ZNF837: variants seen among roughly 807,000 people sequenced by gnomAD.
The protein encoded by ZNF837 is zinc finger protein 837.
For missense variants in ZNF837, 955 were observed against 801.7 expected, an observed-to-expected ratio of 1.19 and a Z score of -2.31; for synonymous variants, 475 against 365.2, an observed-to-expected ratio of 1.30 and a Z score of -3.43.
chr19:58,368,453 T>A lies in ZNF837; in HGVS notation c.880A>T (p.Thr294Ser). ...SSLLQHQRIH[T>S]GERPYECAEC... ...GCGCACTCGTAGGGCCGCTCGCCCG[T>A]GTGGATGCGCTGGTGCTGCAGCAGG... is the stretch of plus-strand genomic sequence containing the variant. Residue 294 changes from threonine to serine, a missense_variant, in exon 3 of 3, where the codon ACG becomes TCG. By Grantham distance (58) the Thr-to-Ser change is moderately conservative. Coordinates refer to ENST00000597582, the MANE Select transcript of ZNF837 (RefSeq NM_138466.2). The A allele has an allele frequency of 1.9e-6, 3 of 1,568,394 alleles. No individual in the cohort carries two copies. Among genetic ancestry groups the A allele is most frequent in the Non-Finnish European group, 2.6e-6 (3 of 1,159,062 alleles).
chr19:58,374,981 G>A (rs904628226), intron 1 of ZNF837, among the ~76,000 whole-genome samples: 5 of 148,906 alleles, frequency 3.4e-5, no homozygotes, highest in African/African-American at 7.5e-5. Flanking sequence ...AAACATGGCC[G>A]GGCACAGTGG....
At chr19:58,378,109 G>C (rs574265236) in intron 1 of ZNF837, among the ~76,000 whole-genome samples, 1 of 152,330 alleles carries the variant, frequency 6.6e-6, no homozygotes, top group East Asian at 1.9e-4. Flanking sequence ...CTGCTAAAGG[G>C]GTTGGTCCAG....
rs1011806700 is a variant in ZNF837, at chr19:58,369,212, C to G, written c.121G>C (p.Gly41Arg). The G allele has an allele frequency of 6.9e-6, 10 of 1,441,366 alleles. No individual in the cohort carries two copies. Among genetic ancestry groups the G allele is most frequent in the Non-Finnish European group, 9.1e-6 (10 of 1,099,642 alleles). The allele number at this position is 1,441,366 out of a possible 1,614,324, so 89.3% of individuals were successfully genotyped here. A position where few individuals can be genotyped will look rare whatever the true frequency, so the allele number is the denominator to read the frequency against. The change falls in exon 3 of 3, where the codon GGG (glycine) becomes CGG (arginine). Residue 41 changes from glycine (G) to arginine (R), a missense_variant. By Grantham distance (125) the Gly-to-Arg change is moderately radical. Coordinates refer to ENST00000597582, the MANE Select transcript of ZNF837 (RefSeq NM_138466.2). ...EPRPLEEDRA[G>R]SRPTQKGDLR... ...TCCCCCTTTTGAGTGGGGCGGCTCC[C>G]AGCTCGGTCCTCTTCGAGGGGCCTC... is the stretch of plus-strand genomic sequence containing the variant.
At position 58,368,361 on chromosome 19, in the gene ZNF837, C is replaced by T; in HGVS notation, c.972G>A (p.Glu324=). The change falls in exon 3 of 3, where the codon GAG becomes GAA. Residue 324 remains glutamate (E), a synonymous_variant. Transcript: ENST00000597582. ...LYRHQKTHSA[E]RHRRGPVLAR... is the part of the protein sequence containing the mutation. ...CCAGGACGGGGCCACGCCGGTGGCG[C>T]TCGGCCGAGTGCGTCTTCTGGTGGC... is the stretch of plus-strand genomic sequence containing the variant. The T allele has an allele frequency of 6.5e-7, 1 of 1,530,426 alleles. No homozygotes were observed. 94.8% of individuals were successfully genotyped at this position (1,530,426 alleles called of 1,614,324 possible). A position where few individuals can be genotyped will look rare whatever the true frequency, so the allele number is the denominator to read the frequency against.
chr19:58,369,394 G>A (rs62116383), intron 2 of ZNF837, 33 bp from the exon 3 acceptor site: 113,883 of 1,314,254 alleles, frequency 0.087, 6,426 homozygotes, highest in East Asian at 0.34. Flanking sequence ...GAGGTTGGCG[G>A]TTCCCAGGAG....
rs61746129 is a variant in ZNF837 at position 58,368,334 on chromosome 19, C to G, written c.999G>C (p.Ala333=). 136,376 of 1,513,918 alleles carry G rather than the reference C, an allele frequency of 0.09. 8,260 individuals carry two copies. The highest frequency in any genetic ancestry group is 0.34 in the East Asian group (13,654 of 39,700). 93.8% of individuals were successfully genotyped at this position (1,513,918 alleles called of 1,614,324 possible). A position where few individuals can be genotyped will look rare whatever the true frequency, so the allele number is the denominator to read the frequency against. The part of the protein sequence containing the change: ...AERHRRGPVL[A]RRAFRLGCPP... ...GGCACCCCAGCCGGAAGGCGCGCCG[C>G]GCCAGGACGGGGCCACGCCGGTGGC... Residue 333 remains alanine, a synonymous_variant, in exon 3 of 3, where the codon GCG becomes GCC. Transcript: ENST00000597582.
chr19:58,379,610 ATGCTTGCACCTGGG>A (rs2052274263), intron 1 of ZNF837, among the ~76,000 whole-genome samples: 1 of 152,196 alleles, frequency 6.6e-6, no homozygotes, highest in Non-Finnish European at 1.5e-5. Context: ...CCAGGTGAGC[ATGCTTGCACCTGGG>A]TGCTCGCCCA....
rs1308652539 is a variant in ZNF837, at chr19:58,368,636, G to A, written c.697C>T (p.Arg233Cys). The A allele has an allele frequency of 3.3e-6, 5 of 1,531,068 alleles. No individual in the cohort carries two copies. Among genetic ancestry groups the A allele is most frequent in the East Asian group, 2.5e-5 (1 of 40,772 alleles). The allele number at this position is 1,531,068 out of a possible 1,614,324, so 94.8% of individuals were successfully genotyped here. A position where few individuals can be genotyped will look rare whatever the true frequency, so the allele number is the denominator to read the frequency against. Residue 233 changes from arginine to cysteine, a missense_variant, in exon 3 of 3, where the codon CGC becomes TGC. Coordinates refer to ENST00000597582, the MANE Select transcript of ZNF837 (RefSeq NM_138466.2). ...EPRPCARCGK[R>C]FRPNQQQQAG... Reference sequence around the variant, plus strand: ...TGCTGCTGCTGGTTGGGGCGGAAGCGCTTCCCGCACCGGGCACACGGACGG... The same window carrying A: ...TGCTGCTGCTGGTTGGGGCGGAAGCACTTCCCGCACCGGGCACACGGACGG...
At position 58,368,176 on chromosome 19, in the gene ZNF837, G is replaced by C. The variant is rs759909774; in HGVS notation, c.1157C>G (p.Thr386Ser). 8 of 1,584,354 alleles carry C rather than the reference G, an allele frequency of 5.0e-6. No homozygotes were observed. The highest frequency in any genetic ancestry group is 2.3e-5 in the East Asian group (1 of 43,500). Residue 386 changes from threonine to serine, a missense_variant, in exon 3 of 3, where the codon ACC (threonine) becomes AGC (serine). Thr to Ser is a moderately conservative substitution (Grantham distance 58). Transcript: ENST00000597582. Reference protein sequence around the residue: ...SHLVEHRRVHTGEKPYACPEC... With the variant: ...SHLVEHRRVHSGEKPYACPEC... ...GGGGCACGCGTAGGGCTTCTCGCCG[G>C]TGTGCACGCGCCGGTGCTCCACGAG...
Position 58,374,763 on chromosome 19 carries a change from A to G in ZNF837, c.-139-4835T>C, listed in dbSNP as rs185918272. Among the ~76,000 whole-genome samples, 447 of 151,920 alleles carry G rather than the reference A, an allele frequency of 2.9e-3. 2 individuals carry two copies. The highest frequency in any genetic ancestry group is 0.01 in the African/African-American group (420 of 41,430). On this transcript the variant is annotated intron_variant, in intron 1 of 2. Coordinates refer to ENST00000597582, the MANE Select transcript of ZNF837 (RefSeq NM_138466.2). ...AGCCTGGCCAAAATGTCGAAACCCC[A>G]TCTCTGCTAAAAATACAAAAATTAG...
chr19:58,375,759 T>TG (rs1248491257), intron 1 of ZNF837, among the ~76,000 whole-genome samples: 4 of 150,736 alleles, frequency 2.7e-5, no homozygotes, highest in Non-Finnish European at 5.9e-5. Context: ...TTATATCTTT[T>TG]TTTTTTTTTT....
chr19:58,367,808 C>G lies in ZNF837; in HGVS notation c.1525G>C (p.Gly509Arg). Residue 509 changes from glycine to arginine, a missense_variant, in exon 3 of 3, where the codon GGC (glycine) becomes CGC (arginine). Gly to Arg is a moderately radical substitution (Grantham distance 125, BLOSUM62 -2). Coordinates refer to ENST00000597582, the MANE Select transcript of ZNF837 (RefSeq NM_138466.2). ...TTGGAGCGTTGGCTGAAGGCGCGGC[C>G]GCAATCTCCGCACGCGTAGGGCCGC... ...GERPYACGDC[G>R]RAFSQRSNLN... 2.0e-6 allele frequency: 3 copies of G among 1,536,378 alleles called. No individual in the cohort carries two copies. Among genetic ancestry groups the G allele is most frequent in the African/African-American group, 1.4e-5 (1 of 73,014 alleles).
intron 1 of ZNF837, among the ~76,000 whole-genome samples, chr19:58,373,854 T>C (rs1267744509): frequency 6.6e-6 from 1 of 151,852 alleles, no homozygotes; most frequent in African/African-American, 2.4e-5. Flanking sequence ...GAATGTGGAG[T>C]ACGGACTCAC....
chr19:58,380,058 T>A (rs1442675412), intron 1 of ZNF837, among the ~76,000 whole-genome samples: 1 of 152,154 alleles, frequency 6.6e-6, no homozygotes, highest in Non-Finnish European at 1.5e-5. Flanking sequence ...CGTTGGTGGC[T>A]CTGAGGTGTG....
At chr19:58,371,092 T>C (rs1464535485) in intron 1 of ZNF837, among the ~76,000 whole-genome samples, 1 of 151,590 alleles carries the variant, frequency 6.6e-6, no homozygotes, top group Non-Finnish European at 1.5e-5. Flanking sequence ...ATACAAAAAA[T>C]TAGCTGGGCG....
rs554824341 is a variant in ZNF837 at position 58,371,767 on chromosome 19, G to A, written c.-139-1839C>T. Among the ~76,000 whole-genome samples the A allele has an allele frequency of 9.2e-5, 14 of 152,282 alleles. No homozygotes were observed. In the East Asian group the frequency reaches 2.7e-3, roughly 29 times the overall value. ...GACAGAGGCTCTCTCTGTCACCCAGGCTGCAGTGCAGTGGCGCCATCTCAG... is the reference window on the plus strand; with the variant it reads ...GACAGAGGCTCTCTCTGTCACCCAGACTGCAGTGCAGTGGCGCCATCTCAG... On this transcript the variant is annotated intron_variant, in intron 1 of 2. Transcript: ENST00000597582.
At position 58,368,418 on chromosome 19, in the gene ZNF837, G is replaced by A. The variant is rs931545157; in HGVS notation, c.915C>T (p.Gly305=). Residue 305 remains glycine (G), a synonymous_variant, in exon 3 of 3, where the codon GGC becomes GGT. Coordinates refer to ENST00000597582, the MANE Select transcript of ZNF837 (RefSeq NM_138466.2). ...GERPYECAEC[G]KAFVRCSGLY... Reference sequence around the variant, plus strand: ...GGCCGGAGCAGCGCACGAAGGCCTTGCCGCACTCGGCGCACTCGTAGGGCC... The same window carrying A: ...GGCCGGAGCAGCGCACGAAGGCCTTACCGCACTCGGCGCACTCGTAGGGCC... 8.4e-6 allele frequency: 13 copies of A among 1,549,036 alleles called. No homozygotes were observed. The highest frequency in any genetic ancestry group is 1.1e-5 in the Non-Finnish European group (13 of 1,149,710).
rs1230866798 is a variant in ZNF837 at position 58,367,812 on chromosome 19, A to C, written c.1521T>G (p.Asp507Glu). The C allele has an allele frequency of 6.5e-7, 1 of 1,536,476 alleles. No homozygotes were observed. The highest frequency in any genetic ancestry group is 1.7e-4 in the Middle Eastern group (1 of 5,910). The change falls in exon 3 of 3, where the codon GAT (aspartate) becomes GAG (glutamate). Residue 507 changes from aspartate to glutamate, a missense_variant. Physicochemically the swap from Asp to Glu is conservative, Grantham distance 45. Transcript: ENST00000597582. Reference protein sequence around the residue: ...HTGERPYACGDCGRAFSQRSN... With the variant: ...HTGERPYACGECGRAFSQRSN... ...AGCGTTGGCTGAAGGCGCGGCCGCA[A>C]TCTCCGCACGCGTAGGGCCGCTCGC...
In ZNF837 at chr19:58,369,358, G is replaced by C. The variant is rs968556410; in HGVS notation, c.-26C>G. Reference sequence around the variant, plus strand: ...CCTGGGGCGCAGAGTTCTGGTTGTAGGATCTGGAAGAGCAGAGAAGAAATG... The same window carrying C: ...CCTGGGGCGCAGAGTTCTGGTTGTACGATCTGGAAGAGCAGAGAAGAAATG... On this transcript the variant is annotated 5_prime_UTR_variant, in exon 3 of 3. Transcript: ENST00000597582. 1.5e-6 allele frequency: 2 copies of C among 1,334,582 alleles called. No individual in the cohort carries two copies. The highest frequency in any genetic ancestry group is 3.1e-5 in the African/African-American group (2 of 64,932). 82.7% of individuals were successfully genotyped at this position (1,334,582 alleles called of 1,614,324 possible).
Sources: gnomAD v4.1 joint callset for allele counts (sites outside exome capture counted in the v4.1 genomes callset) on GRCh38, gnomAD v4.1.1 for gene constraint, MANE v1.5 for transcripts, NCBI Gene and HGNC (gene_info 2026-07-23, HGNC 2026-07-21) for gene names.